SEMA3A: variants seen among roughly 807,000 people sequenced by gnomAD.
SEMA3A encodes the protein semaphorin-3A.
In SEMA3A, 29 loss-of-function variants were observed where a neutral mutation model predicts 97.9. That is an observed-to-expected ratio of 0.30 (90% CI 0.22 to 0.40). SEMA3A has a LOEUF of 0.40. Among genes scored for constraint, SEMA3A ranks in the 10% least tolerant of loss-of-function variants. The pLI, the probability that SEMA3A is intolerant of heterozygous loss-of-function variation, is 1.00. For missense variants in SEMA3A, 763 were observed against 951.3 expected (o/e 0.80, Z 2.60); for synonymous variants, 321 against 323.7 (o/e 0.99, Z 0.09).
intron 1 of SEMA3A, among the ~76,000 whole-genome samples, chr7:84,165,001 T>A (rs1267820662): frequency 6.6e-6 from 1 of 151,962 alleles, no homozygotes; most frequent in Non-Finnish European, 1.5e-5. Context: ...TGAGCTCAGG[T>A]GTTCAAGACA....
At chr7:83,993,427 T>C (rs1228993439) in intron 12 of SEMA3A, among the ~76,000 whole-genome samples, 1 of 151,884 alleles carries the variant, frequency 6.6e-6, no homozygotes, top group Non-Finnish European at 1.5e-5. Flanking sequence ...TGTTTACATT[T>C]TGGCATGATT....
At chr7:83,975,597 T>C (rs944517606) in intron 15 of SEMA3A, among the ~76,000 whole-genome samples, 2 of 152,158 alleles carry the variant, frequency 1.3e-5, no homozygotes, top group Non-Finnish European at 2.9e-5. Flanking sequence ...TTATCTACAA[T>C]ACTCATAATG....
intron 4 of SEMA3A, among the ~76,000 whole-genome samples, chr7:84,065,010 T>C (rs1217022431): frequency 6.6e-6 from 1 of 152,098 alleles, no homozygotes; most frequent in African/African-American, 2.4e-5. Context: ...ATTGACCACA[T>C]ACTTGGAAGT....
At chr7:84,411,610 CTG>C (rs1394633256) in intron 1 of SEMA3A, among the ~76,000 whole-genome samples, 1 of 150,904 alleles carries the variant, frequency 6.6e-6, no homozygotes, top group Non-Finnish European at 1.5e-5. Flanking sequence ...AGAAAAATAA[CTG>C]AAAAAATGCA....
chr7:83,968,729 A>G (rs2116277264), intron 15 of SEMA3A, among the ~76,000 whole-genome samples: 1 of 151,000 alleles, frequency 6.6e-6, no homozygotes, highest in Non-Finnish European at 1.5e-5. Context: ...TATGTTAGAT[A>G]GGTCATTTAG....
intron 3 of SEMA3A, among the ~76,000 whole-genome samples, chr7:84,288,460 G>A (rs1584204382): frequency 6.6e-6 from 1 of 151,986 alleles, no homozygotes; most frequent in Non-Finnish European, 1.5e-5. Flanking sequence ...CCATTTGGGG[G>A]GCCAAGGCGG....
chr7:84,268,151 G>A (rs148400402), intron 3 of SEMA3A, among the ~76,000 whole-genome samples: 57 of 152,086 alleles, frequency 3.7e-4, no homozygotes, highest in African/African-American at 1.2e-3. Context: ...ATTAAACAAT[G>A]GATATGGTAC....
At chr7:84,045,565 A>T (rs919558011) in intron 6 of SEMA3A, among the ~76,000 whole-genome samples, 1 of 151,996 alleles carries the variant, frequency 6.6e-6, no homozygotes, top group Non-Finnish European at 1.5e-5. Context: ...CTTAGTTAAA[A>T]TTTTGAATAA....
chr7:84,150,388 G>A (rs889522311), intron 1 of SEMA3A, among the ~76,000 whole-genome samples: 21 of 152,190 alleles, frequency 1.4e-4, no homozygotes, highest in Middle Eastern at 3.2e-3. Flanking sequence ...TGCGCACACT[G>A]TGCGCGAGCC....
intron 1 of SEMA3A, among the ~76,000 whole-genome samples, chr7:84,400,062 T>C (rs1021301812): frequency 3.3e-5 from 5 of 152,194 alleles, no homozygotes; most frequent in African/African-American, 1.2e-4. Context: ...AGTTGCAGCA[T>C]ATTGGGCTTA....
chr7:84,421,936 T>A (rs1030344339), intron 1 of SEMA3A, among the ~76,000 whole-genome samples: 1 of 152,202 alleles, frequency 6.6e-6, no homozygotes, highest in Middle Eastern at 3.4e-3. Context: ...TTATTGAGGA[T>A]TTTTGCATCA....
chr7:84,217,658 T>C (rs899498064), intron 3 of SEMA3A, among the ~76,000 whole-genome samples: 1 of 152,084 alleles, frequency 6.6e-6, no homozygotes, highest in Non-Finnish European at 1.5e-5. Flanking sequence ...TTAAAGTATC[T>C]TTCTCAGATC....
At chr7:84,127,825 C>T (rs1178285687) in intron 3 of SEMA3A, among the ~76,000 whole-genome samples, 5 of 152,160 alleles carry the variant, frequency 3.3e-5, no homozygotes, top group Non-Finnish European at 7.3e-5. Flanking sequence ...TCTATATACA[C>T]ATGTACAGTT....
At chr7:84,033,710 A>G (rs186968916) in intron 6 of SEMA3A, among the ~76,000 whole-genome samples, 46 of 152,222 alleles carry the variant, frequency 3.0e-4, no homozygotes, top group Non-Finnish European at 3.1e-4. Flanking sequence ...AGTATAATAT[A>G]CTTTGGTAGT....
intron 1 of SEMA3A, among the ~76,000 whole-genome samples, chr7:84,431,390 T>G (rs1265970280): frequency 6.6e-6 from 1 of 152,038 alleles, no homozygotes; most frequent in Non-Finnish European, 1.5e-5. Context: ...TTAAGGGATC[T>G]CATGAGTCTA....
intron 12 of SEMA3A, among the ~76,000 whole-genome samples, chr7:83,988,250 G>C (rs2116337605): frequency 6.6e-6 from 1 of 151,832 alleles, no homozygotes; most frequent in South Asian, 2.1e-4. Flanking sequence ...TTTTTGAGAG[G>C]GAGTCTCGCT....
At chr7:84,286,960 T>C (rs1488357875) in intron 3 of SEMA3A, among the ~76,000 whole-genome samples, 2 of 152,166 alleles carry the variant, frequency 1.3e-5, no homozygotes, top group Non-Finnish European at 2.9e-5. Context: ...TAGAATAATA[T>C]GTAATGTTTA....
intron 2 of SEMA3A, among the ~76,000 whole-genome samples, chr7:84,370,201 G>A (rs1802941356): frequency 6.6e-6 from 1 of 151,524 alleles, no homozygotes; most frequent in Non-Finnish European, 1.5e-5. Flanking sequence ...GCAATTGCTG[G>A]TTTTGAGTAT....
chr7:84,447,042 G>A (rs889206083), intron 1 of SEMA3A, among the ~76,000 whole-genome samples: 1 of 152,168 alleles, frequency 6.6e-6, no homozygotes, highest in Non-Finnish European at 1.5e-5. Flanking sequence ...CCACTACATG[G>A]CCTCGCTCGG....
Sources: gnomAD v4.1 joint callset for allele counts (sites outside exome capture counted in the v4.1 genomes callset) on GRCh38, gnomAD v4.1.1 for gene constraint, MANE v1.5 for transcripts, NCBI Gene and HGNC (gene_info 2026-07-23, HGNC 2026-07-21) for gene names.